AKAP19: variants seen among roughly 807,000 people sequenced by gnomAD.
AKAP19 encodes the protein A-kinase anchoring protein 19.
the AKAP19 span, chr2:190,203,110 CTCAG>C: frequency 1.8e-5 from 3 of 167,162 alleles, no homozygotes; most frequent in East Asian, 5.8e-4. Flanking sequence ...ATATATCCTA[CTCAG>C]TATCATTGGC....
At chr2:190,070,243 C>T in the AKAP19 span, among the ~76,000 whole-genome samples, 1 of 151,996 alleles carries the variant, frequency 6.6e-6, no homozygotes, top group African/African-American at 2.4e-5. Context: ...AGCCCATTTG[C>T]TCAGGTATTG....
chr2:190,196,847 T>G, the AKAP19 span, among the ~76,000 whole-genome samples: 1 of 152,336 alleles, frequency 6.6e-6, no homozygotes, highest in East Asian at 1.9e-4. Context: ...ATAGACCCTA[T>G]GTGTCTTAGT....
chr2:190,005,081 C>T, the AKAP19 span, among the ~76,000 whole-genome samples: 7 of 152,302 alleles, frequency 4.6e-5, no homozygotes, highest in African/African-American at 1.7e-4. Flanking sequence ...AGTGAGTTCA[C>T]TGTCTTGCTG....
chr2:189,917,326 C>T, the AKAP19 span: 1 of 1,405,878 alleles, frequency 7.1e-7, no homozygotes, highest in South Asian at 1.2e-5. Flanking sequence ...TGACACTTGT[C>T]CGGTTGTTGA....
chr2:189,993,548 A>G, the AKAP19 span, among the ~76,000 whole-genome samples: 1 of 151,998 alleles, frequency 6.6e-6, no homozygotes, highest in African/African-American at 2.4e-5. Flanking sequence ...CTCTTTCTTT[A>G]TCTTTTGGAA....
At chr2:190,203,027 C>T in the AKAP19 span, 1 of 150,412 alleles carries the variant, frequency 6.6e-6, no homozygotes, top group African/African-American at 3.1e-5. Context: ...CACCTTAGTC[C>T]CAAAGAAATA....
the AKAP19 span, among the ~76,000 whole-genome samples, chr2:189,902,435 T>C: frequency 6.6e-6 from 1 of 152,032 alleles, no homozygotes; most frequent in Non-Finnish European, 1.5e-5. Context: ...TCAGAAAACC[T>C]CCATGAACTT....
chr2:189,986,894 G>A, the AKAP19 span, among the ~76,000 whole-genome samples: 14 of 152,180 alleles, frequency 9.2e-5, no homozygotes, highest in South Asian at 2.3e-3. Flanking sequence ...ACCTAAACCT[G>A]TTGTTTCAGA....
the AKAP19 span, among the ~76,000 whole-genome samples, chr2:189,961,229 C>G: frequency 6.6e-6 from 1 of 152,074 alleles, no homozygotes; most frequent in Non-Finnish European, 1.5e-5. Context: ...CATACATACC[C>G]CAATATAGAA....
chr2:190,049,533 G>A, the AKAP19 span, among the ~76,000 whole-genome samples: 19 of 152,322 alleles, frequency 1.2e-4, no homozygotes, highest in East Asian at 3.1e-3. Flanking sequence ...CCCACATGCA[G>A]TGTGGCTTCC....
At chr2:190,004,119 T>G in the AKAP19 span, among the ~76,000 whole-genome samples, 1 of 143,656 alleles carries the variant, frequency 7.0e-6, no homozygotes, top group Non-Finnish European at 1.5e-5. Context: ...TGGAAAATTC[T>G]ATTCTTAGAA....
At chr2:189,924,865 C>G in the AKAP19 span, among the ~76,000 whole-genome samples, 1 of 151,550 alleles carries the variant, frequency 6.6e-6, no homozygotes, top group Admixed American at 6.6e-5. Context: ...TAAACAAGTC[C>G]TTATTAAACC....
chr2:190,189,187 G>A, the AKAP19 span, among the ~76,000 whole-genome samples: 2 of 152,192 alleles, frequency 1.3e-5, no homozygotes, highest in Non-Finnish European at 2.9e-5. Flanking sequence ...AGAGACCCTG[G>A]GAAGGAGCTA....
the AKAP19 span, chr2:190,180,536 G>T: frequency 4.1e-6 from 4 of 985,644 alleles, no homozygotes; most frequent in Non-Finnish European, 4.8e-6. This position sits in a 1 kb window ranked among gnomAD's most constrained non-coding sequence, Gnocchi z 6.8. Flanking sequence ...ACCTTTGCGG[G>T]TCTGTTCCCG....
chr2:190,074,043 G>GAAA, the AKAP19 span, among the ~76,000 whole-genome samples: 6 of 117,998 alleles, frequency 5.1e-5, no homozygotes, highest in Non-Finnish European at 9.5e-5. Flanking sequence ...TTCCGTCTCA[G>GAAA]AAAAAAAAAA....
chr2:190,045,582 G>A, the AKAP19 span, among the ~76,000 whole-genome samples: 5 of 152,160 alleles, frequency 3.3e-5, no homozygotes, highest in Non-Finnish European at 5.9e-5. Context: ...CCTGAAGGCT[G>A]GAATGGCTAA....
At chr2:190,086,351 T>C in the AKAP19 span, among the ~76,000 whole-genome samples, 1 of 152,184 alleles carries the variant, frequency 6.6e-6, no homozygotes, top group East Asian at 1.9e-4. Flanking sequence ...CTGTAATAAT[T>C]TCACCTGAGG....
At chr2:189,994,491 G>A in the AKAP19 span, among the ~76,000 whole-genome samples, 1 of 151,894 alleles carries the variant, frequency 6.6e-6, no homozygotes, top group Admixed American at 6.6e-5. Flanking sequence ...GTTTTCCTAG[G>A]TTGTGTCACC....
chr2:190,174,045 T>C, the AKAP19 span, among the ~76,000 whole-genome samples: 2 of 152,126 alleles, frequency 1.3e-5, no homozygotes. Flanking sequence ...CTACTCACCC[T>C]GCCACTCCGG....
Sources: gnomAD v4.1 joint callset for allele counts (sites outside exome capture counted in the v4.1 genomes callset) on GRCh38, gnomAD v4.1.1 for gene constraint, Gnocchi (gnomAD v3.1) non-coding constraint, MANE v1.5 for transcripts, NCBI Gene and HGNC (gene_info 2026-07-23, HGNC 2026-07-21) for gene names.